Variants in ECT2L observed in about 807,000 individuals in gnomAD.
ECT2L encodes epithelial cell-transforming sequence 2 oncogene-like.
A neutral mutation model predicts 122.8 loss-of-function variants in ECT2L; 126 were observed. The ratio of observed to expected loss-of-function variants is 1.03; its 90% confidence interval spans 0.89 to 1.19. The LOEUF (loss-of-function observed/expected upper bound fraction) is 1.19, where lower values mean the gene tolerates loss of function less well. Ranked by LOEUF, ECT2L falls within the 50% of genes most tolerant of loss-of-function variation. The pLI is 0.00. For synonymous variants in ECT2L, 385 were observed against 381.8 expected (o/e 1.01, Z -0.10); for missense variants, 1,012 against 1,064.1 (o/e 0.95, Z 0.68).
At chr6:138,881,658 G>C (rs1778650949) in intron 15 of ECT2L, among the ~76,000 whole-genome samples, 1 of 151,408 alleles carries the variant, frequency 6.6e-6, no homozygotes, top group Admixed American at 6.6e-5. Context: ...GGGATGATGG[G>C]AGACAAGGAC....
At position 138,819,884 on chromosome 6, in the gene ECT2L, G is replaced by A. The variant is rs147114305; in HGVS notation, c.179+5281G>A. ...CCTGGGCTACAGAGCAAGACTTCAT[G>A]TACCAAAAAAAAAACAAAAAACAAA... On this transcript the variant is annotated intron_variant, in intron 4 of 21. Coordinates refer to ENST00000541398, the MANE Select transcript of ECT2L (RefSeq NM_001077706.3). Among the ~76,000 whole-genome samples, 45 of 150,644 alleles carry A rather than the reference G, an allele frequency of 3.0e-4. No individual in the cohort carries two copies. The East Asian group carries it at 8.6e-3, about 29-fold the overall frequency.
intron 4 of ECT2L, among the ~76,000 whole-genome samples, chr6:138,815,487 G>T (rs1213978419): frequency 6.6e-6 from 1 of 152,304 alleles, no homozygotes; most frequent in African/African-American, 2.4e-5. Flanking sequence ...CTCAATGCCA[G>T]ATAAAAAGCC....
intron 4 of ECT2L, among the ~76,000 whole-genome samples, chr6:138,819,365 A>G (rs1312041751): frequency 6.6e-6 from 1 of 152,084 alleles, no homozygotes; most frequent in Admixed American, 6.5e-5. Context: ...ACTGGCTTGA[A>G]GTTCTCACTC....
chr6:138,861,056 A>T (rs1336793480), intron 10 of ECT2L, among the ~76,000 whole-genome samples: 1 of 151,978 alleles, frequency 6.6e-6, no homozygotes, highest in Non-Finnish European at 1.5e-5. Context: ...AAGGACATGA[A>T]CTCATTCTTT....
chr6:138,849,337 C>A lies in ECT2L; in HGVS notation c.972C>A (p.Ser324Arg), dbSNP rs770936783. The change falls in exon 9 of 22, where the codon AGC becomes AGA. Residue 324 changes from serine (S) to arginine (R), a missense_variant. By Grantham distance (110) the Ser-to-Arg change is moderately radical (BLOSUM62 -1). Coordinates refer to ENST00000541398, the MANE Select transcript of ECT2L (RefSeq NM_001077706.3). ...ATGAACACAGCGTAACCTTGGAAAGCCTTCTGTATCTTATAGAAAAAGCTC... is the reference window on the plus strand; with the variant it reads ...ATGAACACAGCGTAACCTTGGAAAGACTTCTGTATCTTATAGAAAAAGCTC... ...VVYEHSVTLESLLYLIEKALD... is the reference protein window; with the variant it reads ...VVYEHSVTLERLLYLIEKALD... The A allele has an allele frequency of 2.5e-6, 4 of 1,614,032 alleles. No individual in the cohort carries two copies. Among genetic ancestry groups the A allele is most frequent in the Non-Finnish European group, 3.4e-6 (4 of 1,180,002 alleles).
intron 9 of ECT2L, 105 bp from the exon 10 acceptor site, chr6:138,853,921 G>A (rs2128395208): frequency 7.6e-7 from 1 of 1,307,966 alleles, no homozygotes; most frequent in South Asian, 1.4e-5. Context: ...GGTCTTGCAG[G>A]CAGATGGCAT....
At position 138,902,825 on chromosome 6, in the gene ECT2L, T is replaced by G; in HGVS notation, c.*198T>G. On this transcript the variant is annotated 3_prime_UTR_variant, in exon 22 of 22. Transcript: ENST00000541398. ...TTATGTAGAATGTATAAGTACATTTTGAGTCCAAAATTTTGAACTACTTCT... is the reference window on the plus strand; with the variant it reads ...TTATGTAGAATGTATAAGTACATTTGGAGTCCAAAATTTTGAACTACTTCT... The G allele has an allele frequency of 1.8e-6, 1 of 550,102 alleles. No individual in the cohort carries two copies. The highest frequency in any genetic ancestry group is 3.0e-6 in the Non-Finnish European group (1 of 330,830). The allele number at this position is 550,102 out of a possible 1,614,324, so 34.1% of individuals were successfully genotyped here. A position where few individuals can be genotyped will look rare whatever the true frequency, so the allele number is the denominator to read the frequency against.
intron 1 of ECT2L, among the ~76,000 whole-genome samples, chr6:138,805,736 T>C (rs1775690630): frequency 6.6e-6 from 1 of 152,162 alleles, no homozygotes; most frequent in South Asian, 2.1e-4. Flanking sequence ...CCCAGGCTTA[T>C]TTACATGGCA....
intron 20 of ECT2L, among the ~76,000 whole-genome samples, chr6:138,893,193 T>TG (rs1582668814): frequency 1.5e-4 from 22 of 150,468 alleles, no homozygotes; most frequent in East Asian, 9.7e-4. Context: ...TTGTTTTTTT[T>TG]TGTTTTTTTT....
At chr6:138,847,377 T>TGAG in intron 8 of ECT2L, among the ~76,000 whole-genome samples, 2 of 95,188 alleles carry the variant, frequency 2.1e-5, no homozygotes, top group African/African-American at 4.4e-5. Flanking sequence ...TTTTTTTTTT[T>TGAG]TTTTTTTTTT....
chr6:138,882,171 C>A (rs1038012258), intron 15 of ECT2L, among the ~76,000 whole-genome samples: 3 of 152,202 alleles, frequency 2.0e-5, no homozygotes, highest in Admixed American at 1.3e-4. Flanking sequence ...TAAAAGGAGG[C>A]AACCTGAGTA....
intron 13 of ECT2L, among the ~76,000 whole-genome samples, chr6:138,869,680 TA>T (rs1778178675): frequency 6.6e-6 from 1 of 152,016 alleles, no homozygotes; most frequent in Admixed American, 6.5e-5. Flanking sequence ...TATTTCCACC[TA>T]ATTATTTAAA....
At chr6:138,823,420 G>A in intron 4 of ECT2L, 1 of 1,608,806 alleles carries the variant, frequency 6.2e-7, no homozygotes. Flanking sequence ...ATCACGGCAA[G>A]GACACTCATG....
At chr6:138,872,184 T>C (rs1778279772) in intron 13 of ECT2L, among the ~76,000 whole-genome samples, 1 of 152,162 alleles carries the variant, frequency 6.6e-6, no homozygotes, top group South Asian at 2.1e-4. Flanking sequence ...ATCTAAGCCC[T>C]TTACAGGTTG....
intron 1 of ECT2L, among the ~76,000 whole-genome samples, chr6:138,807,952 G>A (rs1030952606): frequency 6.6e-6 from 1 of 151,928 alleles, no homozygotes; most frequent in Non-Finnish European, 1.5e-5. Context: ...ATCAAGTAGA[G>A]TAAGTCCAAC....
intron 1 of ECT2L, among the ~76,000 whole-genome samples, chr6:138,803,130 G>A (rs1775601304): frequency 2.0e-5 from 3 of 151,454 alleles, no homozygotes; most frequent in Non-Finnish European, 2.9e-5. Context: ...AGTTGGTTAT[G>A]CCTGTAGCCC....
intron 20 of ECT2L, among the ~76,000 whole-genome samples, chr6:138,892,979 G>T (rs187234639): frequency 6.6e-6 from 1 of 152,144 alleles, no homozygotes; most frequent in African/African-American, 2.4e-5. Flanking sequence ...ATCATCTTTG[G>T]GTTTCCTTAG....
intron 1 of ECT2L, among the ~76,000 whole-genome samples, chr6:138,799,598 G>A (rs1441774467): frequency 6.6e-6 from 1 of 151,996 alleles, no homozygotes; most frequent in Non-Finnish European, 1.5e-5. Context: ...TATCGCCCAG[G>A]CTGGAGAGCA....
intron 20 of ECT2L, among the ~76,000 whole-genome samples, chr6:138,893,415 T>TA (rs1008757070): frequency 2.5e-4 from 38 of 151,242 alleles, no homozygotes; most frequent in African/African-American, 3.6e-4. Context: ...ATATATATAT[T>TA]TTTTTATTTT....
Sources: allele counts gnomAD v4.1 joint callset (sites outside exome capture counted in the v4.1 genomes callset), GRCh38; gene constraint gnomAD v4.1.1; transcripts MANE v1.5; gene names NCBI Gene and HGNC (gene_info 2026-07-23, HGNC 2026-07-21).